The following GRID2IP variants were observed in gnomAD, a reference collection of about 807,000 sequenced individuals.
The protein encoded by GRID2IP is Grid2 interacting protein, also known as delphilin.
A neutral mutation model predicts 114.3 loss-of-function variants in GRID2IP; 78 were observed. The observed-to-expected ratio is 0.68, with a 90% confidence interval of 0.57 to 0.82. The LOEUF is 0.82. Among genes scored for constraint, GRID2IP ranks in the 40% least tolerant of loss-of-function variants. The probability of loss-of-function intolerance (pLI) is 0.00; values close to 1 mark genes in which losing one functional copy is unlikely to be tolerated. For missense variants in GRID2IP, 1,727 were observed against 1,678.5 expected, an observed-to-expected ratio of 1.03 and a Z score of -0.51; for synonymous variants, 809 against 724.0, an observed-to-expected ratio of 1.12 and a Z score of -1.89.
At chr7:6,501,664 T>G (rs1370426075) in intron 20 of GRID2IP, 117 bp downstream of exon 20, 3 of 745,048 alleles carry the variant, frequency 4.0e-6, no homozygotes, top group Non-Finnish European at 7.1e-6. Flanking sequence ...CACAGCAACC[T>G]GTGTCCAGAA....
chr7:6,498,826 C>T (rs565671314), intron 20 of GRID2IP, among the ~76,000 whole-genome samples: 3 of 152,068 alleles, frequency 2.0e-5, no homozygotes, highest in African/African-American at 4.8e-5. Context: ...CTCAAGTGAT[C>T]CTCCCACTTT....
At chr7:6,498,619 G>C (rs1232412776) in intron 20 of GRID2IP, among the ~76,000 whole-genome samples, 1 of 123,686 alleles carries the variant, frequency 8.1e-6, no homozygotes, top group African/African-American at 3.3e-5. Flanking sequence ...TTATTCTGTC[G>C]CTCAGCCTGG....
rs1779732103 is a variant in GRID2IP at position 6,536,821 on chromosome 7, C to G, written c.584+2897G>C. 1.4e-6 allele frequency: 1 copy of G among 701,360 alleles called. No homozygotes were observed. The highest frequency in any genetic ancestry group is 1.8e-5 in the African/African-American group (1 of 57,072). The allele number at this position is 701,360 out of a possible 1,614,324, so 43.4% of individuals were successfully genotyped here. Reference sequence around the variant, plus strand: ...TGATTCTCCTAGCAAGGGGCTCACCCCTTACTCACCCCAGGCAGCTCATGG... The same window carrying G: ...TGATTCTCCTAGCAAGGGGCTCACCGCTTACTCACCCCAGGCAGCTCATGG... On this transcript the variant is annotated intron_variant, in intron 2 of 21. Coordinates refer to ENST00000457091, the MANE Select transcript of GRID2IP (RefSeq NM_001145118.2). The surrounding 1 kb of genome is among the most constrained non-coding windows in gnomAD (Gnocchi z 5.3).
chr7:6,528,939 C>T lies in GRID2IP; in HGVS notation c.585-2170G>A, dbSNP rs374239321. Among the ~76,000 whole-genome samples the T allele has an allele frequency of 5.9e-5, 9 of 152,272 alleles. No individual in the cohort carries two copies. In the South Asian group the frequency reaches 6.2e-4, roughly 11 times the overall value. ...TCATTTAAGGTCTCCAGAGCCTGAC[C>T]GCTCCATCTGCCAGGCCTGCACATT... is the stretch of plus-strand genomic sequence containing the variant. On this transcript the variant is annotated intron_variant, in intron 2 of 21. Transcript: ENST00000457091. The surrounding 1 kb of genome is among the most constrained non-coding windows in gnomAD (Gnocchi z 6.0).
rs1297739806 is a variant in GRID2IP at position 6,520,612 on chromosome 7, C to G, written c.1234G>C (p.Val412Leu). The G allele has an allele frequency of 6.4e-7, 1 of 1,551,660 alleles. No homozygotes were observed. The stretch of plus-strand genomic sequence containing the variant: ...AAGAAGCTCTCGAGGGCCCGGCAGA[C>G]CCCATAGCGCTCAGGAGGTGTGAGT... ...HLLTPPERYG[V>L]CRALESFFQH... The change falls in exon 7 of 22, where the codon GTC (valine) becomes CTC (leucine). Residue 412 changes from valine (V) to leucine (L), a missense_variant. Val to Leu is a conservative substitution (Grantham distance 32, BLOSUM62 1). Transcript: ENST00000457091. The surrounding 1 kb of genome is among the most constrained non-coding windows in gnomAD (Gnocchi z 4.6).
chr7:6,541,871 G>C lies in GRID2IP; in HGVS notation c.430-1999C>G, dbSNP rs541878086. On this transcript the variant is annotated intron_variant, in intron 1 of 21. Coordinates refer to ENST00000457091, the MANE Select transcript of GRID2IP (RefSeq NM_001145118.2). ...CACATGCACGATGATGTATGAGTGA[G>C]GTGGTTCACCTGTGTATTATTTCTA... Among the ~76,000 whole-genome samples, 6 of 152,310 alleles carry C rather than the reference G, an allele frequency of 3.9e-5. No homozygotes were observed. The South Asian group carries it at 1.2e-3, about 32-fold the overall frequency.
chr7:6,518,520 G>A (rs565548339), intron 7 of GRID2IP, among the ~76,000 whole-genome samples: 2 of 152,114 alleles, frequency 1.3e-5, no homozygotes, highest in East Asian at 1.9e-4. Context: ...GGCAGATCAC[G>A]AGGTCAAGAG....
chr7:6,505,583 G>A (rs1216333337), intron 14 of GRID2IP, among the ~76,000 whole-genome samples: 1 of 152,098 alleles, frequency 6.6e-6, no homozygotes, highest in Non-Finnish European at 1.5e-5. Flanking sequence ...TGCCCAGGCT[G>A]GTCTCGAACC....
At chr7:6,544,526 C>T (rs545383088) in intron 1 of GRID2IP, among the ~76,000 whole-genome samples, 15 of 151,918 alleles carry the variant, frequency 9.9e-5, no homozygotes, top group East Asian at 7.9e-4. Context: ...GTGATCCACC[C>T]GCCTCAGCCT....
At position 6,497,603 on chromosome 7, in the gene GRID2IP, G is replaced by T. The variant is rs1460115523; in HGVS notation, c.*171C>A. The T allele has an allele frequency of 1.1e-5, 6 of 556,868 alleles. No homozygotes were observed. The African/African-American group carries it at 1.2e-4, about 11-fold the overall frequency. 34.5% of individuals were successfully genotyped at this position (556,868 alleles called of 1,614,324 possible). On this transcript the variant is annotated 3_prime_UTR_variant, in exon 22 of 22. Coordinates refer to ENST00000457091, the MANE Select transcript of GRID2IP (RefSeq NM_001145118.2). ...CTCTGGGCCTGGGGGTAGGAACAAG[G>T]GCTGGCAGAGGAGGGCCCGACCACA...
intron 15 of GRID2IP, 51 bp from the exon 16 acceptor site, chr7:6,503,738 T>A (rs1012324809): frequency 5.2e-5 from 70 of 1,340,094 alleles, no homozygotes; most frequent in South Asian, 2.2e-4. Context: ...CGGGGCCGGA[T>A]GGGACCCAAG....
chr7:6,536,045 G>A lies in GRID2IP; in HGVS notation c.584+3673C>T, dbSNP rs150752703. 1.7e-3 allele frequency among the ~76,000 whole-genome samples: 254 copies of A among 152,262 alleles called. 1 individual carries two copies. The highest frequency in any genetic ancestry group is 5.7e-3 in the African/African-American group (237 of 41,566). ...ACCCAACCCTGGGAATCACAGCTGCGTCTGTGGCTTCTCCATGCCCCCTCT... is the reference window on the plus strand; with the variant it reads ...ACCCAACCCTGGGAATCACAGCTGCATCTGTGGCTTCTCCATGCCCCCTCT... On this transcript the variant is annotated intron_variant, in intron 2 of 21. Transcript: ENST00000457091. The surrounding 1 kb of genome is among the most constrained non-coding windows in gnomAD (Gnocchi z 5.3).
rs199714672 is a variant in GRID2IP at position 6,548,358 on chromosome 7, AT to A, written c.429+2649del. ...GAGCGAGACTCTGGCTCCAAAAAAA[AT>A]AAATACAAACTTAAACGGTGTAGAT... On this transcript the variant is annotated intron_variant, in intron 1 of 21. Coordinates refer to ENST00000457091, the MANE Select transcript of GRID2IP (RefSeq NM_001145118.2). 9.1e-3 allele frequency among the ~76,000 whole-genome samples: 1,389 copies of A among 152,150 alleles called. 14 individuals carry two copies. Among genetic ancestry groups the A allele is most frequent in the Middle Eastern group, 0.017 (5 of 294 alleles).
chr7:6,522,633 G>C (rs2347782), intron 4 of GRID2IP, among the ~76,000 whole-genome samples: 2 of 151,316 alleles, frequency 1.3e-5, no homozygotes, highest in Non-Finnish European at 2.9e-5. Context: ...CCATAGGCAC[G>C]CACCACCACT....
intron 2 of GRID2IP, among the ~76,000 whole-genome samples, chr7:6,531,953 G>A (rs774172569): frequency 3.3e-5 from 5 of 152,156 alleles, no homozygotes; most frequent in African/African-American, 1.2e-4. Flanking sequence ...CCCAGGCTGC[G>A]ACAACACCCA....
At chr7:6,549,793 TTTTTTTTTTATA>T (rs1304925740) in intron 1 of GRID2IP, among the ~76,000 whole-genome samples, 6 of 151,570 alleles carry the variant, frequency 4.0e-5, no homozygotes, top group Non-Finnish European at 7.4e-5. Context: ...GGCTGGTTTT[TTTTTTTTTTATA>T]TTTTTGATAG....
intron 20 of GRID2IP, among the ~76,000 whole-genome samples, chr7:6,500,654 G>T (rs979953123): frequency 6.6e-6 from 1 of 152,252 alleles, no homozygotes; most frequent in Non-Finnish European, 1.5e-5. Context: ...GCAGTCAGAG[G>T]AATGTGACAG....
intron 4 of GRID2IP, among the ~76,000 whole-genome samples, chr7:6,524,954 G>A (rs1277652370): frequency 2.0e-5 from 3 of 151,638 alleles, no homozygotes; most frequent in South Asian, 2.1e-4. Context: ...TCCTGACCTC[G>A]TGATCCACCT....
Position 6,508,070 on chromosome 7 carries a change from T to C in GRID2IP, c.2459A>G (p.His820Arg). 7.7e-7 allele frequency: 1 copy of C among 1,302,704 alleles called. No individual in the cohort carries two copies. The highest frequency in any genetic ancestry group is 1.0e-6 in the Non-Finnish European group (1 of 996,208). The allele number at this position is 1,302,704 out of a possible 1,614,324, so 80.7% of individuals were successfully genotyped here. Residue 820 changes from histidine to arginine, a missense_variant, in exon 13 of 22, where the codon CAC (histidine) becomes CGC (arginine). Transcript: ENST00000457091. This position sits in a 1 kb window ranked among gnomAD's most constrained non-coding sequence, Gnocchi z 5.6. Reference protein sequence around the residue: ...APPMLSRGLGHRRSETSHMSV... With the variant: ...APPMLSRGLGRRRSETSHMSV... ...CATGTGGCTGGTCTCACTGCGCCGG[T>C]GGCCCAGGCCCCGGGACAGCATGGG...
Sources: allele counts gnomAD v4.1 joint callset (sites outside exome capture counted in the v4.1 genomes callset), GRCh38; gene constraint gnomAD v4.1.1; non-coding constraint Gnocchi (gnomAD v3.1); transcripts MANE v1.5; gene names NCBI Gene and HGNC (gene_info 2026-07-23, HGNC 2026-07-21).